Variants in CCL26 observed in about 807,000 individuals in gnomAD.
CCL26 encodes the protein C-C motif chemokine 26.
CCL26 carries 10 observed loss-of-function variants against 10.7 expected under a neutral mutation model. The ratio of observed to expected loss-of-function variants is 0.93; its 90% CI spans 0.57 to 1.58. The LOEUF is 1.58. Among genes scored for constraint, CCL26 ranks in the 40% most tolerant of loss-of-function variants. The pLI, the probability that CCL26 is intolerant of heterozygous loss-of-function variation, is 0.00. For missense variants in CCL26, 116 were observed against 111.0 expected, an observed-to-expected ratio of 1.05 and a Z score of -0.20; for synonymous variants, 43 against 41.4, an observed-to-expected ratio of 1.04 and a Z score of -0.15.
chr7:75,777,098 G>T (rs1802958674), upstream of CCL26, among the ~76,000 whole-genome samples: 1 of 152,098 alleles, frequency 6.6e-6, no homozygotes, highest in African/African-American at 2.4e-5. Context: ...CGGGTGTGGT[G>T]GTGGACACCT....
intron 1 of CCL26, among the ~76,000 whole-genome samples, chr7:75,788,989 T>G (rs192286362): frequency 1.3e-3 from 199 of 152,098 alleles, no homozygotes; most frequent in African/African-American, 4.6e-3. Flanking sequence ...GATGCTGTCA[T>G]AGCTCACTGC....
At chr7:75,779,626 G>C (rs554976840) in intron 1 of CCL26, among the ~76,000 whole-genome samples, 1 of 152,158 alleles carries the variant, frequency 6.6e-6, no homozygotes, top group East Asian at 1.9e-4. Context: ...CCAAAACTCC[G>C]GCTCCAGTCA....
chr7:75,769,673 C>T lies in CCL26; in HGVS notation c.*20G>A, dbSNP rs369473686. On this transcript the variant is annotated 3_prime_UTR_variant, in exon 3 of 3. Coordinates refer to ENST00000005180, the MANE Select transcript of CCL26 (RefSeq NM_001371938.1). ...GCCAAGAGCGGGGTCCAAGCGTCCT[C>T]GGATGAAAATTCAGCTGAGTCACAA... 25 of 1,543,058 alleles carry T rather than the reference C, an allele frequency of 1.6e-5. No homozygotes were observed. Among genetic ancestry groups the T allele is most frequent in the African/African-American group, 2.7e-5 (2 of 73,504 alleles).
At chr7:75,783,184 A>G (rs1176940285) in intron 1 of CCL26, among the ~76,000 whole-genome samples, 2 of 152,142 alleles carry the variant, frequency 1.3e-5, no homozygotes, top group South Asian at 2.1e-4. Context: ...CTTTCTCATC[A>G]GACCCCACTA....
upstream of CCL26, among the ~76,000 whole-genome samples, chr7:75,773,706 T>C (rs1173322194): frequency 1.3e-5 from 2 of 151,806 alleles, no homozygotes; most frequent in African/African-American, 4.8e-5. Context: ...TGAAACCCCG[T>C]CTCTACTAAA....
chr7:75,773,189 A>G (rs13237732), upstream of CCL26, among the ~76,000 whole-genome samples: 1 of 152,244 alleles, frequency 6.6e-6, no homozygotes, highest in Non-Finnish European at 1.5e-5. Context: ...CAAAACAAAC[A>G]AACAACAACA....
chr7:75,784,081 T>G (rs1803127884), intron 1 of CCL26, among the ~76,000 whole-genome samples: 1 of 152,190 alleles, frequency 6.6e-6, no homozygotes, highest in Non-Finnish European at 1.5e-5. Context: ...TAAGTTGTAA[T>G]TCCTTGCCCC....
At chr7:75,773,494 A>G (rs1307860404), upstream of CCL26, among the ~76,000 whole-genome samples, 7 of 152,012 alleles carry the variant, frequency 4.6e-5, no homozygotes, top group Admixed American at 1.3e-4. Context: ...GGCTCAAGTG[A>G]CTGTCTCACC....
chr7:75,773,185 A>G (rs561327061), upstream of CCL26, among the ~76,000 whole-genome samples: 1 of 152,242 alleles, frequency 6.6e-6, no homozygotes, highest in East Asian at 1.9e-4. Flanking sequence ...AAAACAAAAC[A>G]AACAAACAAC....
intron 2 of CCL26, among the ~76,000 whole-genome samples, chr7:75,771,561 C>CA (rs1802820049): frequency 6.6e-6 from 1 of 151,964 alleles, no homozygotes; most frequent in South Asian, 2.1e-4. Flanking sequence ...ACTAATAACA[C>CA]AAAAATTAGC....
At chr7:75,791,165 T>G (rs1326778858), upstream of CCL26, among the ~76,000 whole-genome samples, 1 of 151,870 alleles carries the variant, frequency 6.6e-6, no homozygotes, top group East Asian at 2.0e-4. Flanking sequence ...TAGCTGGGAT[T>G]ACAGGCACCC....
At chr7:75,779,349 G>A (rs77236292) in intron 1 of CCL26, among the ~76,000 whole-genome samples, 1 of 152,194 alleles carries the variant, frequency 6.6e-6, no homozygotes, top group Admixed American at 6.5e-5. Context: ...TCCCTTGGGA[G>A]ATAAATCCCA....
chr7:75,780,784 C>T (rs1447105880), intron 1 of CCL26, among the ~76,000 whole-genome samples: 8 of 152,238 alleles, frequency 5.3e-5, no homozygotes, highest in African/African-American at 1.7e-4. Context: ...CTCTCCCCTC[C>T]TCCACAGGCT....
At chr7:75,791,012 CCTTTT>C (rs1803317865), upstream of CCL26, among the ~76,000 whole-genome samples, 1 of 101,374 alleles carries the variant, frequency 9.9e-6, no homozygotes, top group Admixed American at 1.2e-4. Flanking sequence ...TGAAACTCCT[CCTTTT>C]TTTTTTTTTT....
chr7:75,776,271 C>T (rs1802938416), upstream of CCL26, among the ~76,000 whole-genome samples: 1 of 151,550 alleles, frequency 6.6e-6, no homozygotes, highest in Admixed American at 6.6e-5. Context: ...GGGGTTTCAC[C>T]ATGTTGGCCA....
exon 1 of CCL26, chr7:75,789,751 C>T (rs1395438757): frequency 6.6e-6 from 1 of 152,140 alleles, no homozygotes; most frequent in African/African-American, 2.4e-5. Flanking sequence ...TTCCAGACTC[C>T]TGGCTCATCC....
upstream of CCL26, among the ~76,000 whole-genome samples, chr7:75,791,039 T>C (rs367873464): frequency 4.0e-5 from 6 of 151,396 alleles, no homozygotes; most frequent in African/African-American, 1.5e-4. Flanking sequence ...TCTTTTTTTC[T>C]TTTTGAGACA....
intron 1 of CCL26, among the ~76,000 whole-genome samples, chr7:75,787,476 G>C (rs1471615829): frequency 1.3e-5 from 2 of 151,416 alleles, no homozygotes; most frequent in African/African-American, 4.9e-5. Flanking sequence ...AACCCCGTCT[G>C]TACTAAAAAT....
chr7:75,783,549 C>G (rs1803111651), intron 1 of CCL26, among the ~76,000 whole-genome samples: 1 of 152,116 alleles, frequency 6.6e-6, no homozygotes, highest in South Asian at 2.1e-4. Context: ...CTTGTAATCC[C>G]AGCACTTTGG....
Sources: gnomAD v4.1 joint callset for allele counts (sites outside exome capture counted in the v4.1 genomes callset) on GRCh38, gnomAD v4.1.1 for gene constraint, MANE v1.5 for transcripts, NCBI Gene and HGNC (gene_info 2026-07-23, HGNC 2026-07-21) for gene names.